Variants in FGF12 observed in about 807,000 individuals in gnomAD.
FGF12 encodes fibroblast growth factor 12.
FGF12 carries 14 observed loss-of-function variants against 23.6 expected under a neutral mutation model. The observed-to-expected ratio is 0.59, with a 90% CI of 0.39 to 0.93. The LOEUF is 0.93. FGF12 is among the 40% of genes least tolerant of loss of function. The pLI, the probability that FGF12 is intolerant of heterozygous loss-of-function variation, is 0.00. For synonymous variants in FGF12, 62 were observed against 77.3 expected (o/e 0.80, Z 1.04); for missense variants, 175 against 217.8 (o/e 0.80, Z 1.24).
At chr3:192,575,382 A>C (rs1712828472) in intron 2 of FGF12, among the ~76,000 whole-genome samples, 2 of 152,250 alleles carry the variant, frequency 1.3e-5, no homozygotes, top group Admixed American at 1.3e-4. Flanking sequence ...AAAAATGGTG[A>C]TCAAAGCATT....
chr3:192,474,947 G>A (rs1723277049), intron 2 of FGF12, among the ~76,000 whole-genome samples: 1 of 151,650 alleles, frequency 6.6e-6, no homozygotes, highest in South Asian at 2.1e-4. Context: ...AAAGAGAGTA[G>A]GAGAATTAAC....
intron 2 of FGF12, among the ~76,000 whole-genome samples, chr3:192,548,064 T>A (rs1363350442): frequency 1.3e-5 from 2 of 152,182 alleles, no homozygotes; most frequent in African/African-American, 4.8e-5. Context: ...CTTAGCATAC[T>A]TCAAAATGAG....
At chr3:192,145,399 GTGA>G (rs1397995749) in intron 5 of FGF12, among the ~76,000 whole-genome samples, 1 of 152,226 alleles carries the variant, frequency 6.6e-6, no homozygotes, top group Non-Finnish European at 1.5e-5. Context: ...GACTGGTTCA[GTGA>G]TGAGGAGACA....
At chr3:192,335,886 C>T (rs2108700795) in intron 3 of FGF12, among the ~76,000 whole-genome samples, 1 of 152,100 alleles carries the variant, frequency 6.6e-6, no homozygotes, top group Middle Eastern at 3.4e-3. Flanking sequence ...TAAAACAGGC[C>T]AAAGCTTCTT....
chr3:192,464,036 GAGA>G (rs1722937549), intron 2 of FGF12, among the ~76,000 whole-genome samples: 1 of 152,114 alleles, frequency 6.6e-6, no homozygotes, highest in South Asian at 2.1e-4. Context: ...AGAGGCACGT[GAGA>G]AGTTTTTAAA....
intron 2 of FGF12, among the ~76,000 whole-genome samples, chr3:192,544,159 T>C (rs775592632): frequency 1.3e-5 from 2 of 152,206 alleles, no homozygotes; most frequent in African/African-American, 2.4e-5. Context: ...AGGACAGCAC[T>C]GAGTTCCAAT....
At chr3:192,662,851 C>T (rs964815073) in intron 2 of FGF12, among the ~76,000 whole-genome samples, 5 of 152,130 alleles carry the variant, frequency 3.3e-5, no homozygotes, top group Non-Finnish European at 1.5e-5. Context: ...GCAACAAATG[C>T]ACAAATACTT....
At chr3:192,381,826 A>C (rs1293221698) in intron 2 of FGF12, among the ~76,000 whole-genome samples, 1 of 152,210 alleles carries the variant, frequency 6.6e-6, no homozygotes, top group Non-Finnish European at 1.5e-5. Flanking sequence ...TGTGGAGTTC[A>C]GAGACCAAGA....
At chr3:192,186,393 C>T (rs770928980) in intron 4 of FGF12, among the ~76,000 whole-genome samples, 3 of 152,158 alleles carry the variant, frequency 2.0e-5, no homozygotes, top group African/African-American at 4.8e-5. Context: ...TAGACAAATG[C>T]TGTTTGATAA....
intron 2 of FGF12, among the ~76,000 whole-genome samples, chr3:192,445,046 C>T (rs886947303): frequency 6.6e-6 from 1 of 152,172 alleles, no homozygotes; most frequent in Non-Finnish European, 1.5e-5. Flanking sequence ...CAGTAAATTC[C>T]ACCATGCTTT....
chr3:192,643,298 T>G (rs1715874255), intron 2 of FGF12, among the ~76,000 whole-genome samples: 1 of 152,028 alleles, frequency 6.6e-6, no homozygotes, highest in Admixed American at 6.6e-5. Context: ...ATTACAAAAT[T>G]TTTAAAAAAT....
chr3:192,536,475 C>G (rs1302372476), intron 2 of FGF12, among the ~76,000 whole-genome samples: 1 of 152,030 alleles, frequency 6.6e-6, no homozygotes, highest in Non-Finnish European at 1.5e-5. Context: ...ACAAATAACA[C>G]CAGAAAGCCT....
intron 2 of FGF12, among the ~76,000 whole-genome samples, chr3:192,539,066 C>A (rs1725301518): frequency 6.6e-6 from 1 of 152,056 alleles, no homozygotes; most frequent in South Asian, 2.1e-4. Flanking sequence ...TTCCAAATAA[C>A]AAAAATATCA....
In FGF12 at chr3:192,167,353, C is replaced by T. The variant is rs181768251; in HGVS notation, c.427+3105G>A. On this transcript the variant is annotated intron_variant, in intron 5 of 5. Transcript: ENST00000445105. ...TCTGCCCTCTGGCTGGAATAAGATG[C>T]TGGTTGGATCATGGGCAGAAGGGCA... is the stretch of plus-strand genomic sequence containing the variant. Among the ~76,000 whole-genome samples the T allele has an allele frequency of 1.2e-3, 178 of 152,048 alleles. 1 individual carries two copies. The highest frequency in any genetic ancestry group is 4.2e-3 in the African/African-American group (175 of 41,468).
intron 4 of FGF12, among the ~76,000 whole-genome samples, chr3:192,334,238 T>G (rs1214206285): frequency 6.6e-6 from 1 of 152,090 alleles, no homozygotes; most frequent in Non-Finnish European, 1.5e-5. Flanking sequence ...CAGAGGAGAC[T>G]TGAGGCTGCT....
intron 4 of FGF12, among the ~76,000 whole-genome samples, chr3:192,259,648 G>T (rs1712617390): frequency 6.6e-6 from 1 of 152,058 alleles, no homozygotes; most frequent in African/African-American, 2.4e-5. Flanking sequence ...CTTCACTAAA[G>T]AAATCTGTAG....
chr3:192,540,073 T>C (rs886451267), intron 2 of FGF12, among the ~76,000 whole-genome samples: 28 of 152,132 alleles, frequency 1.8e-4, no homozygotes, highest in African/African-American at 6.0e-4. Flanking sequence ...CTCAATTTTA[T>C]TTATCTTTTC....
rs79305628 is a variant in FGF12 at position 192,636,857 on chromosome 3, T to C, written c.13+90324A>G. On this transcript the variant is annotated intron_variant, in intron 2 of 5. Coordinates refer to ENST00000445105, the MANE Select transcript of FGF12 (RefSeq NM_004113.6). Reference sequence around the variant, plus strand: ...AGCAGAAATGGAAACAAGGATACAGTCAGTGTGGCCAGGGTACTAAGAAAG... The same window carrying C: ...AGCAGAAATGGAAACAAGGATACAGCCAGTGTGGCCAGGGTACTAAGAAAG... 9.8e-3 allele frequency among the ~76,000 whole-genome samples: 1,494 copies of C among 152,154 alleles called. 26 individuals carry two copies. The highest frequency in any genetic ancestry group is 0.033 in the African/African-American group (1,357 of 41,516).
In FGF12 at chr3:192,370,206, G is replaced by C. The variant is rs530971057; in HGVS notation, c.14-9668C>G. On this transcript the variant is annotated intron_variant, in intron 2 of 5. Coordinates refer to ENST00000445105, the MANE Select transcript of FGF12 (RefSeq NM_004113.6). Reference sequence around the variant, plus strand: ...TAACAAGTTTTACTTTATTCTTTAAGTCAATGATGTCCAAACTTTTCTAAT... The same window carrying C: ...TAACAAGTTTTACTTTATTCTTTAACTCAATGATGTCCAAACTTTTCTAAT... 7.0e-4 allele frequency among the ~76,000 whole-genome samples: 106 copies of C among 152,264 alleles called. 1 individual carries two copies. Among genetic ancestry groups the C allele is most frequent in the Non-Finnish European group, 1.2e-3 (79 of 68,020 alleles).
Sources: allele counts gnomAD v4.1 joint callset (sites outside exome capture counted in the v4.1 genomes callset), GRCh38; gene constraint gnomAD v4.1.1; transcripts MANE v1.5; gene names NCBI Gene and HGNC (gene_info 2026-07-23, HGNC 2026-07-21).